The following PPP2R5B variants were observed in gnomAD, a reference collection of about 807,000 sequenced individuals.
The protein encoded by PPP2R5B is serine/threonine-protein phosphatase 2A 56 kDa regulatory subunit beta isoform.
Under a neutral mutation model 59.9 loss-of-function variants are expected in PPP2R5B, and 19 were observed. The ratio of observed to expected loss-of-function variants is 0.32; its 90% confidence interval spans 0.22 to 0.47. The LOEUF is 0.47. PPP2R5B is among the 20% of genes least tolerant of loss of function. PPP2R5B has a pLI of 1.00. For synonymous variants in PPP2R5B, 286 were observed against 260.5 expected (o/e 1.10, Z -0.94); for missense variants, 441 against 640.2 (o/e 0.69, Z 3.36).
chr11:64,928,979 A>C (rs988632709), intron 6 of PPP2R5B, among the ~76,000 whole-genome samples: 1 of 152,086 alleles, frequency 6.6e-6, no homozygotes, highest in Non-Finnish European at 1.5e-5. Context: ...AAAAAAAAGA[A>C]AAGAAAACAA....
intron 3 of PPP2R5B, 149 bp from the exon 4 acceptor site, chr11:64,927,653 G>A: frequency 1.6e-6 from 1 of 637,108 alleles, no homozygotes; most frequent in South Asian, 2.0e-5. Flanking sequence ...GTTGCAGTGA[G>A]TCGAGATTGT....
At chr11:64,920,645 T>C (rs1335592473), upstream of PPP2R5B, among the ~76,000 whole-genome samples, 6 of 150,720 alleles carry the variant, frequency 4.0e-5, no homozygotes, top group African/African-American at 1.5e-4. Context: ...TTTTTTTTTT[T>C]TTGAGACGGA....
rs781133165 is a variant in PPP2R5B, at chr11:64,931,717, T to G, written c.997-32T>G. The G allele has an allele frequency of 6.2e-7, 1 of 1,613,974 alleles. No homozygotes were observed. Among genetic ancestry groups the G allele is most frequent in the East Asian group, 2.2e-5 (1 of 44,874 alleles). ...AGGGGGAGATGTGAGCTGCTGCCCC[T>G]CTGTCCCTACTCCCCTCCCCAACCC... On this transcript the variant is annotated intron_variant, in intron 10 of 13. Transcript: ENST00000164133. This position sits in a 1 kb window ranked among gnomAD's most constrained non-coding sequence, Gnocchi z 5.0.
In PPP2R5B at chr11:64,929,118, G is replaced by T. The variant is rs1426739480; in HGVS notation, c.722+693G>T. Among the ~76,000 whole-genome samples the T allele has an allele frequency of 3.9e-5, 6 of 152,186 alleles. No homozygotes were observed. The East Asian group carries it at 1.2e-3, about 29-fold the overall frequency. Reference sequence around the variant, plus strand: ...AAGCCTGTGAAGTTGACAGAGAATGGGTATTTATTTCCATTTTACAGATGA... The same window carrying T: ...AAGCCTGTGAAGTTGACAGAGAATGTGTATTTATTTCCATTTTACAGATGA... On this transcript the variant is annotated intron_variant, in intron 6 of 13. Transcript: ENST00000164133.
In PPP2R5B at chr11:64,932,865, A is replaced by G. The variant is rs1283557212; in HGVS notation, c.1217A>G (p.Tyr406Cys). ...TVLPAVFGTLYQVSKEHWNQT... is the reference protein window; with the variant it reads ...TVLPAVFGTLCQVSKEHWNQT... Reference sequence around the variant, plus strand: ...CTGCCTGCTGTGTTTGGGACCCTCTACCAAGTCTCCAAGGAGCACTGGAAC... The same window carrying G: ...CTGCCTGCTGTGTTTGGGACCCTCTGCCAAGTCTCCAAGGAGCACTGGAAC... The change falls in exon 12 of 14, where the codon TAC becomes TGC. Residue 406 changes from tyrosine to cysteine, a missense_variant. Tyr to Cys is a radical substitution (Grantham distance 194). Transcript: ENST00000164133. 6.2e-7 allele frequency: 1 copy of G among 1,614,072 alleles called. No homozygotes were observed. Among genetic ancestry groups the G allele is most frequent in the Non-Finnish European group, 8.5e-7 (1 of 1,179,996 alleles).
chr11:64,929,935 T>C (rs1451656718), intron 6 of PPP2R5B, among the ~76,000 whole-genome samples: 12 of 152,170 alleles, frequency 7.9e-5, no homozygotes, highest in African/African-American at 2.4e-4. Context: ...CCTATTAACA[T>C]TGGGGTTGTT....
In PPP2R5B at chr11:64,928,313, A is replaced by G. The variant is rs1379019983; in HGVS notation, c.610A>G (p.Ser204Gly). 1 of 1,613,978 alleles carries G rather than the reference A, an allele frequency of 6.2e-7. No individual in the cohort carries two copies. Residue 204 changes from serine (S) to glycine (G), a missense_variant, in exon 6 of 14, where the codon AGT becomes GGT. Ser to Gly is a moderately conservative substitution (Grantham distance 56). Coordinates refer to ENST00000164133, the MANE Select transcript of PPP2R5B (RefSeq NM_006244.4). ...CCCACAGCTCCTGGAGCTATTTGAT[A>G]GTGAGGATCCCCGGGAGCGTGAGTA... ...FVLMLLELFD[S>G]EDPREREYLK...
At chr11:64,932,928 G>T in intron 12 of PPP2R5B, 36 bp downstream of exon 12, 1 of 1,611,986 alleles carries the variant, frequency 6.2e-7, no homozygotes, top group Non-Finnish European at 8.5e-7. Context: ...CACAGAAACT[G>T]GGACCAGGGC....
At chr11:64,927,113 T>C (rs568655632) in intron 3 of PPP2R5B, among the ~76,000 whole-genome samples, 1 of 152,278 alleles carries the variant, frequency 6.6e-6, no homozygotes, top group East Asian at 1.9e-4. Context: ...TGCTTATGCT[T>C]GCCTGAGACC....
At chr11:64,926,581 G>A in intron 2 of PPP2R5B, 131 bp from the exon 3 acceptor site, 1 of 931,992 alleles carries the variant, frequency 1.1e-6, no homozygotes, top group South Asian at 1.6e-5. Context: ...GCAAGGAGCA[G>A]GAGATGGCAC....
In PPP2R5B at chr11:64,925,986, G is replaced by C; in HGVS notation, c.199+53G>C. 6.4e-7 allele frequency: 1 copy of C among 1,551,482 alleles called. No homozygotes were observed. Among genetic ancestry groups the C allele is most frequent in the Non-Finnish European group, 8.8e-7 (1 of 1,140,478 alleles). On this transcript the variant is annotated intron_variant, in intron 2 of 13. Transcript: ENST00000164133. This position sits in a 1 kb window ranked among gnomAD's most constrained non-coding sequence, Gnocchi z 4.6. ...ACCGAACCCCCGAGGGGACCAGCAG[G>C]GCCATGGGGAGGGGTGGGAGGCAGC... is the stretch of plus-strand genomic sequence containing the variant.
Position 64,926,889 on chromosome 11 carries a change from A to AC in PPP2R5B, c.380dup (p.Asp128ArgfsTer18). 1 of 1,614,028 alleles carries AC rather than the reference A, an allele frequency of 6.2e-7. No individual in the cohort carries two copies. The highest frequency in any genetic ancestry group is 8.5e-7 in the Non-Finnish European group (1 of 1,179,968). ...CGGGGTGTCCTCATCGAGCCCGTCTACCCAGACATCATCCGCATGGTGAGC... is the reference window on the plus strand; with the variant it reads ...CGGGGTGTCCTCATCGAGCCCGTCTACCCCAGACATCATCCGCATGGTGAGC... On this transcript the variant is annotated frameshift_variant, in exon 3 of 14. Transcript: ENST00000164133. LOFTEE classifies it high-confidence loss of function.
At chr11:64,932,980 G>T in intron 12 of PPP2R5B, 88 bp downstream of exon 12, 1 of 1,560,518 alleles carries the variant, frequency 6.4e-7, no homozygotes, top group Non-Finnish European at 8.8e-7. Context: ...CCTAGCTGGA[G>T]AATATCAGAG....
At chr11:64,919,947 CATAAAAA>C (rs1364041277), upstream of PPP2R5B, among the ~76,000 whole-genome samples, 1 of 151,838 alleles carries the variant, frequency 6.6e-6, no homozygotes, top group Admixed American at 6.6e-5. Context: ...ATTCAGAAAT[CATAAAAA>C]GAAAAAAGAG....
At chr11:64,922,755 G>A (rs1364179882), upstream of PPP2R5B, among the ~76,000 whole-genome samples, 1 of 151,564 alleles carries the variant, frequency 6.6e-6, no homozygotes, top group Non-Finnish European at 1.5e-5. Context: ...GGCGCCTGAA[G>A]TCCCAGCTAT....
At chr11:64,927,744 C>A in intron 3 of PPP2R5B, 58 bp from the exon 4 acceptor site, 27 of 1,205,352 alleles carry the variant, frequency 2.2e-5, no homozygotes, top group Non-Finnish European at 3.2e-5. Flanking sequence ...GAATGAGAGA[C>A]TCCCTGGCTT....
rs773562827 is a variant in PPP2R5B, at chr11:64,933,753, G to A, written c.1403G>A (p.Arg468Gln). The change falls in exon 14 of 14, where the codon CGG becomes CAG. Residue 468 changes from arginine (R) to glutamine (Q), a missense_variant. Physicochemically the swap from Arg to Gln is conservative, Grantham distance 43. This residue lies in a region of PPP2R5B where 70 missense variants were observed against 64.2 expected (regional missense o/e 1.09). Transcript: ENST00000164133. ...TTATGGCAAGGTCTGGAGGAGCTGC[G>A]GCTACGCCGGCTACAGGGGACCCAG... The part of the protein sequence containing the change: ...QELWQGLEEL[R>Q]LRRLQGTQGA... The A allele has an allele frequency of 2.6e-6, 4 of 1,555,974 alleles. 1 individual carries two copies. The highest frequency in any genetic ancestry group is 1.9e-5 in the Admixed American group (1 of 51,522).
chr11:64,925,474 C>T lies in PPP2R5B; in HGVS notation c.-261C>T. On this transcript the variant is annotated 5_prime_UTR_variant, in exon 2 of 14. Transcript: ENST00000164133. This position sits in a 1 kb window ranked among gnomAD's most constrained non-coding sequence, Gnocchi z 4.6. ...TGCCTGACTTCGTTTTCAAAAGAGC[C>T]AGGGTGGGAACCCTAACTGGACTCT... 2.5e-6 allele frequency: 1 copy of T among 403,798 alleles called. No homozygotes were observed. Among genetic ancestry groups the T allele is most frequent in the South Asian group, 3.5e-5 (1 of 28,538 alleles). 25.0% of individuals were successfully genotyped at this position (403,798 alleles called of 1,614,324 possible).
Position 64,925,692 on chromosome 11 carries a change from G to A in PPP2R5B, c.-43G>A, listed in dbSNP as rs764941392. 1.3e-5 allele frequency: 17 copies of A among 1,286,936 alleles called. No individual in the cohort carries two copies. The highest frequency in any genetic ancestry group is 2.2e-6 in the Non-Finnish European group (2 of 905,962). 79.7% of individuals were successfully genotyped at this position (1,286,936 alleles called of 1,614,324 possible). On this transcript the variant is annotated 5_prime_UTR_variant, in exon 2 of 14. Transcript: ENST00000164133. This position sits in a 1 kb window ranked among gnomAD's most constrained non-coding sequence, Gnocchi z 4.6. ...ACCCAGCACCTCCCAGGCCCAGAGA[G>A]AACCCCCGGGGCTCTGAAAGCTTGC...
Sources: allele counts gnomAD v4.1 joint callset (sites outside exome capture counted in the v4.1 genomes callset), GRCh38; gene constraint gnomAD v4.1.1; regional missense constraint gnomAD v4.1.1; non-coding constraint Gnocchi (gnomAD v3.1); transcripts MANE v1.5; gene names NCBI Gene and HGNC (gene_info 2026-07-23, HGNC 2026-07-21).